Variants in CSGALNACT1 observed in about 807,000 individuals in gnomAD.
The protein encoded by CSGALNACT1 is chondroitin sulfate N-acetylgalactosaminyltransferase 1.
Under a neutral mutation model 51.0 loss-of-function variants are expected in CSGALNACT1, and 52 were observed. The observed-to-expected ratio is 1.02, with a 90% confidence interval of 0.82 to 1.29. The LOEUF (loss-of-function observed/expected upper bound fraction) is 1.29, where lower values mean the gene tolerates loss of function less well. CSGALNACT1 is among the 50% of genes most tolerant of loss of function. The pLI, the probability that CSGALNACT1 is intolerant of heterozygous loss-of-function variation, is 0.00. For synonymous variants in CSGALNACT1, 341 were observed against 254.4 expected (o/e 1.34, Z -3.24); for missense variants, 935 against 679.2 (o/e 1.38, Z -4.19).
At chr8:19,578,049 A>G (rs2044681778) in intron 3 of CSGALNACT1, among the ~76,000 whole-genome samples, 1 of 152,182 alleles carries the variant, frequency 6.6e-6, no homozygotes, top group Non-Finnish European at 1.5e-5. Flanking sequence ...GCTTGCTTTC[A>G]CTCAGCAGAT....
intron 3 of CSGALNACT1, among the ~76,000 whole-genome samples, chr8:19,568,766 A>C (rs1378834345): frequency 6.6e-6 from 1 of 152,200 alleles, no homozygotes; most frequent in East Asian, 1.9e-4. Flanking sequence ...CAGTAATTTG[A>C]AATTTCTGTC....
chr8:19,753,527 G>A (rs1361856609), intron 1 of CSGALNACT1, among the ~76,000 whole-genome samples: 2 of 152,124 alleles, frequency 1.3e-5, no homozygotes, highest in Non-Finnish European at 2.9e-5. Flanking sequence ...TTTTGTTGTG[G>A]TTTCGTTGGG....
chr8:19,443,462 G>T (rs111422756), intron 5 of CSGALNACT1, among the ~76,000 whole-genome samples: 7 of 152,248 alleles, frequency 4.6e-5, no homozygotes, highest in South Asian at 2.1e-4. Context: ...AAGGAAAGAG[G>T]TTTAATGGAC....
Position 19,716,612 on chromosome 8 carries a change from C to CCAAAAAAAA in CSGALNACT1, c.-297+41237_-297+41238insTTTTTTTTG, listed in dbSNP as rs1414449293. 5.4e-3 allele frequency among the ~76,000 whole-genome samples: 228 copies of CCAAAAAAAA among 41,984 alleles called. 5 individuals are homozygous for CCAAAAAAAA. Among genetic ancestry groups the CCAAAAAAAA allele is most frequent in the South Asian group, 0.037 (24 of 656 alleles). 27.5% of individuals were successfully genotyped at this position (41,984 alleles called of 152,430 possible). A position where few individuals can be genotyped will look rare whatever the true frequency, so the allele number is the denominator to read the frequency against. On this transcript the variant is annotated intron_variant, in intron 1 of 1. Transcript: ENST00000517494. ...GGCCAACATGGTAAAACCCTCTCTA[C>CCAAAAAAAA]AAAAAAAAAAAAAAAAAAAAAAAAA...
chr8:19,530,728 C>T (rs2154054086), intron 3 of CSGALNACT1, among the ~76,000 whole-genome samples: 1 of 152,112 alleles, frequency 6.6e-6, no homozygotes, highest in Non-Finnish European at 1.5e-5. Flanking sequence ...AAGACCTTAT[C>T]TCATAAAGGA....
chr8:19,739,944 C>T (rs1388734907), intron 1 of CSGALNACT1, among the ~76,000 whole-genome samples: 2 of 152,322 alleles, frequency 1.3e-5, no homozygotes, highest in South Asian at 2.1e-4. Flanking sequence ...ATCCTGTAGA[C>T]CAGCAGATAC....
intron 3 of CSGALNACT1, among the ~76,000 whole-genome samples, chr8:19,550,495 C>A (rs926081916): frequency 1.3e-5 from 2 of 152,182 alleles, no homozygotes; most frequent in Admixed American, 6.5e-5. Context: ...TAATGTCTCA[C>A]AGAATACCAA....
At chr8:19,416,916 G>A (rs1380342343) in intron 8 of CSGALNACT1, among the ~76,000 whole-genome samples, 1 of 151,762 alleles carries the variant, frequency 6.6e-6, no homozygotes, top group Non-Finnish European at 1.5e-5. Flanking sequence ...AGGATGGAGT[G>A]CAGTGGTGCG....
intron 1 of CSGALNACT1, among the ~76,000 whole-genome samples, chr8:19,632,702 A>C (rs1041171592): frequency 3.3e-5 from 5 of 152,166 alleles, no homozygotes; most frequent in African/African-American, 1.2e-4. Flanking sequence ...AACTCTCCCC[A>C]GGAAAGGAAA....
intron 3 of CSGALNACT1, among the ~76,000 whole-genome samples, chr8:19,579,261 C>T (rs527955751): frequency 1.3e-5 from 2 of 152,334 alleles, no homozygotes; most frequent in African/African-American, 2.4e-5. Context: ...TCTGTTCCCA[C>T]TCCCTCCATG....
upstream of CSGALNACT1, among the ~76,000 whole-genome samples, chr8:19,603,051 C>T (rs1409731314): frequency 3.8e-5 from 3 of 79,400 alleles, no homozygotes; most frequent in East Asian, 4.5e-4. Context: ...TGTGTATACA[C>T]ACACACACAC....
chr8:19,578,038 A>G (rs1014516629), intron 3 of CSGALNACT1, among the ~76,000 whole-genome samples: 2 of 152,150 alleles, frequency 1.3e-5, no homozygotes, highest in Admixed American at 6.5e-5. Context: ...CCAGCACCAC[A>G]GCTTGCTTTC....
At chr8:19,572,245 A>C (rs2154112078) in intron 3 of CSGALNACT1, among the ~76,000 whole-genome samples, 1 of 152,356 alleles carries the variant, frequency 6.6e-6, no homozygotes, top group South Asian at 2.1e-4. Flanking sequence ...TTACATGTTT[A>C]TCTACCTATC....
At chr8:19,507,528 G>GA (rs35759799) in intron 3 of CSGALNACT1, among the ~76,000 whole-genome samples, 5,664 of 74,802 alleles carry the variant, frequency 0.076, 338 homozygotes, top group Non-Finnish European at 0.082. Flanking sequence ...ATCTTAGCCA[G>GA]AAAAAAAAAA....
chr8:19,646,620 T>G (rs1195151004), intron 1 of CSGALNACT1, among the ~76,000 whole-genome samples: 1 of 152,164 alleles, frequency 6.6e-6, no homozygotes, highest in Admixed American at 6.5e-5. Context: ...ACGCCACCTT[T>G]AGTACAAGAA....
intron 1 of CSGALNACT1, among the ~76,000 whole-genome samples, chr8:19,733,910 T>C (rs1368868423): frequency 2.0e-5 from 3 of 152,272 alleles, no homozygotes; most frequent in Admixed American, 6.5e-5. Flanking sequence ...TTAGAATTCA[T>C]GACCAAGCCC....
intron 1 of CSGALNACT1, among the ~76,000 whole-genome samples, chr8:19,689,442 C>T (rs952956601): frequency 7.2e-5 from 11 of 152,320 alleles, no homozygotes; most frequent in Non-Finnish European, 1.5e-4. Flanking sequence ...GGAACCCAAA[C>T]CTTCCATGCC....
intron 7 of CSGALNACT1, 99 bp downstream of exon 6, chr8:19,420,241 C>T (rs1421521302): frequency 1.5e-5 from 17 of 1,100,810 alleles, no homozygotes; most frequent in Non-Finnish European, 1.7e-5. Flanking sequence ...CAGGCTGATT[C>T]AGAAGCAGGA....
chr8:19,683,890 G>C (rs567258814), upstream of CSGALNACT1, among the ~76,000 whole-genome samples: 1 of 152,150 alleles, frequency 6.6e-6, no homozygotes, highest in African/African-American at 2.4e-5. Context: ...GTAAGGCCAG[G>C]AGTGGTGGCT....
Sources: allele counts gnomAD v4.1 joint callset (sites outside exome capture counted in the v4.1 genomes callset), GRCh38; gene constraint gnomAD v4.1.1; transcripts MANE v1.5; gene names NCBI Gene and HGNC (gene_info 2026-07-23, HGNC 2026-07-21).